Variants in SNUPN observed in about 807,000 individuals in gnomAD.
The protein encoded by SNUPN is snurportin-1.
A neutral mutation model predicts 39.2 loss-of-function variants in SNUPN; 31 were observed. The ratio of observed to expected loss-of-function variants is 0.79; its 90% CI spans 0.59 to 1.07. The LOEUF is 1.07. SNUPN is among the 50% of genes least tolerant of loss of function. SNUPN has a pLI of 0.00. For synonymous variants in SNUPN, 132 were observed against 159.0 expected, an observed-to-expected ratio of 0.83 and a Z score of 1.28; for missense variants, 382 against 434.2, an observed-to-expected ratio of 0.88 and a Z score of 1.07.
intron 5 of SNUPN, among the ~76,000 whole-genome samples, chr15:75,608,667 C>T (rs1892691434): frequency 6.6e-6 from 1 of 152,168 alleles, no homozygotes; most frequent in Admixed American, 6.5e-5. Flanking sequence ...GACGTTTCCC[C>T]CCAAATCTGT....
chr15:75,609,823 T>G (rs140688075), intron 4 of SNUPN, 67 bp downstream of exon 4: 2 of 1,344,562 alleles, frequency 1.5e-6, no homozygotes, highest in Admixed American at 1.8e-5. Flanking sequence ...ATGAGGAAAA[T>G]GGAGCACAAA....
rs769597511 is a variant in SNUPN at position 75,607,282 on chromosome 15, C to T, written c.534G>A (p.Glu178=). ...DYTILDCIYN[E]VNQTYYVLDV... Reference sequence around the variant, plus strand: ...CCAGAACGTAGTAGGTCTGGTTTACCTCATTGTAAATGCAATCTAGAATGG... The same window carrying T: ...CCAGAACGTAGTAGGTCTGGTTTACTTCATTGTAAATGCAATCTAGAATGG... Residue 178 remains glutamate (E), a synonymous_variant, in exon 6 of 9, where the codon GAG becomes GAA. Coordinates refer to ENST00000308588, the MANE Select transcript of SNUPN (RefSeq NM_005701.4). The T allele has an allele frequency of 8.1e-6, 13 of 1,613,452 alleles. No individual in the cohort carries two copies. The East Asian group carries it at 8.9e-5, about 11-fold the overall frequency.
At chr15:75,606,449 C>T (rs551502493) in intron 6 of SNUPN, among the ~76,000 whole-genome samples, 2 of 152,058 alleles carry the variant, frequency 1.3e-5, no homozygotes, top group Non-Finnish European at 2.9e-5. Flanking sequence ...GACTACACAC[C>T]GAGAACCACT....
rs1317773439 is a variant in SNUPN at position 75,598,648 on chromosome 15, G to C, written c.793C>G (p.His265Asp). The C allele has an allele frequency of 3.1e-6, 5 of 1,608,536 alleles. No individual in the cohort carries two copies. Among genetic ancestry groups the C allele is most frequent in the Non-Finnish European group, 4.3e-6 (5 of 1,175,402 alleles). ...DGLLFYHKQT[H>D]YSPGSTPLVG... Reference sequence around the variant, plus strand: ...AAGGGAGTGCTTCCGGGGCTGTAGTGGGTCTGTTTGTGGTAGAAGAGAAGT... The same window carrying C: ...AAGGGAGTGCTTCCGGGGCTGTAGTCGGTCTGTTTGTGGTAGAAGAGAAGT... Residue 265 changes from histidine (H) to aspartate (D), a missense_variant, in exon 9 of 9, where the codon CAC becomes GAC. His to Asp is a moderately conservative substitution (Grantham distance 81, BLOSUM62 -1). Coordinates refer to ENST00000308588, the MANE Select transcript of SNUPN (RefSeq NM_005701.4).
intron 7 of SNUPN, among the ~76,000 whole-genome samples, chr15:75,603,919 T>G (rs2075311125): frequency 1.3e-5 from 2 of 152,110 alleles, no homozygotes; most frequent in Admixed American, 1.3e-4. Flanking sequence ...TCATTTAACC[T>G]CCATATACTT....
At chr15:75,612,982 T>C (rs1011145005) in intron 3 of SNUPN, among the ~76,000 whole-genome samples, 1 of 152,040 alleles carries the variant, frequency 6.6e-6, no homozygotes, top group Non-Finnish European at 1.5e-5. Context: ...TAAAAACTCT[T>C]ATAATTCAAT....
At position 75,620,980 on chromosome 15, in the gene SNUPN, T is replaced by G; in HGVS notation, c.72A>C (p.Pro24=). 1 of 1,614,094 alleles carries G rather than the reference T, an allele frequency of 6.2e-7. No individual in the cohort carries two copies. The highest frequency in any genetic ancestry group is 8.5e-7 in the Non-Finnish European group (1 of 1,179,992). The stretch of plus-strand genomic sequence containing the variant: ...ACTTGTACTGGGATAGGCGGGGGTG[T>G]GGGGCAGCTGTGCTGTTCAGATCTT... ...VSQDLNSTAA[P]HPRLSQYKSK... The change falls in exon 2 of 9, where the codon CCA becomes CCC. Residue 24 remains proline (P), a synonymous_variant. Transcript: ENST00000308588.
At chr15:75,601,085 T>C (rs2075282096) in intron 8 of SNUPN, 53 bp downstream of exon 8, 2 of 1,251,786 alleles carry the variant, frequency 1.6e-6, no homozygotes, top group Admixed American at 1.7e-5. Context: ...TGTAACTAAG[T>C]CTCTCTGCAG....
At chr15:75,611,082 C>T (rs1294770670) in intron 3 of SNUPN, among the ~76,000 whole-genome samples, 1 of 151,238 alleles carries the variant, frequency 6.6e-6, no homozygotes, top group African/African-American at 2.4e-5. Flanking sequence ...GCAGGAAAAT[C>T]GTTTGAACCC....
rs1250748268 is a variant in SNUPN, at chr15:75,620,485, G to T, written c.158+409C>A. Among the ~76,000 whole-genome samples, 3 of 152,102 alleles carry T rather than the reference G, an allele frequency of 2.0e-5. No homozygotes were observed. The East Asian group carries it at 5.8e-4, about 29-fold the overall frequency. On this transcript the variant is annotated intron_variant, in intron 2 of 8. Coordinates refer to ENST00000308588, the MANE Select transcript of SNUPN (RefSeq NM_005701.4). ...TCCCAAGAGTGCCACAGAAACATTT[G>T]GGCTGAAGGCAGATGGGAAGACCAC...
intron 6 of SNUPN, among the ~76,000 whole-genome samples, chr15:75,605,746 T>A (rs1298762371): frequency 6.6e-6 from 1 of 152,240 alleles, no homozygotes; most frequent in East Asian, 1.9e-4. Context: ...TTCAGCAGAA[T>A]TAAAGGAAAA....
Position 75,607,204 on chromosome 15 carries a change from A to C in SNUPN, c.600+12T>G. 1.3e-6 allele frequency: 2 copies of C among 1,589,900 alleles called. No homozygotes were observed. Among genetic ancestry groups the C allele is most frequent in the East Asian group, 4.5e-5 (2 of 44,780 alleles). ...AGACAGGAAGAGCCACGAGAGGAGG[A>C]TCCATCCCTACCTGGCAATCATAAA... On this transcript the variant is annotated intron_variant, in intron 6 of 8. Transcript: ENST00000308588.
intron 1 of SNUPN, chr15:75,624,685 A>G: frequency 3.3e-6 from 4 of 1,203,666 alleles, no homozygotes; most frequent in African/African-American, 1.6e-5. Flanking sequence ...AGAAAAACTG[A>G]TGTCCTGGAT....
chr15:75,624,271 A>G (rs191772109), intron 1 of SNUPN, among the ~76,000 whole-genome samples: 162 of 151,668 alleles, frequency 1.1e-3, no homozygotes, highest in Non-Finnish European at 2.0e-3. Context: ...TTCATCACCA[A>G]AGTAATGACC....
intron 7 of SNUPN, among the ~76,000 whole-genome samples, chr15:75,602,658 T>G (rs149963033): frequency 6.6e-6 from 1 of 151,778 alleles, no homozygotes; most frequent in East Asian, 1.9e-4. Flanking sequence ...CAGGCTGGAG[T>G]GCAGTGGCAC....
At chr15:75,617,046 T>C (rs1431628999) in intron 3 of SNUPN, among the ~76,000 whole-genome samples, 1 of 152,184 alleles carries the variant, frequency 6.6e-6, no homozygotes, top group East Asian at 1.9e-4. Context: ...GCAGGCCCAA[T>C]CCAGAACAGC....
chr15:75,614,933 C>G (rs1892885717), intron 3 of SNUPN, among the ~76,000 whole-genome samples: 1 of 151,978 alleles, frequency 6.6e-6, no homozygotes, highest in Non-Finnish European at 1.5e-5. Context: ...GATAAGAAAC[C>G]AAAGACTTAG....
chr15:75,610,497 G>T (rs1406701797), intron 3 of SNUPN, among the ~76,000 whole-genome samples: 1 of 151,766 alleles, frequency 6.6e-6, no homozygotes, highest in Non-Finnish European at 1.5e-5. Context: ...CTGCACAGCT[G>T]ACAGGATGAT....
intron 1 of SNUPN, chr15:75,624,752 T>A (rs935087158): frequency 1.9e-5 from 24 of 1,283,144 alleles, no homozygotes; most frequent in Non-Finnish European, 2.2e-5. Context: ...TCCTGCTGTT[T>A]CGTTTTGTTT....
Sources: allele counts gnomAD v4.1 joint callset (sites outside exome capture counted in the v4.1 genomes callset), GRCh38; gene constraint gnomAD v4.1.1; transcripts MANE v1.5; gene names NCBI Gene and HGNC (gene_info 2026-07-23, HGNC 2026-07-21).